YIF1B: variants seen among roughly 807,000 people sequenced by gnomAD.
The protein encoded by YIF1B is Yip1 interacting factor homolog B, membrane trafficking protein.
YIF1B carries 24 observed loss-of-function variants against 34.6 expected under a neutral mutation model. That is an observed-to-expected ratio of 0.69 (90% CI 0.50 to 0.98). The LOEUF (loss-of-function observed/expected upper bound fraction) is 0.98, where lower values mean the gene tolerates loss of function less well. Among genes scored for constraint, YIF1B ranks in the 50% least tolerant of loss-of-function variants. The pLI, the probability that YIF1B is intolerant of heterozygous loss-of-function variation, is 0.00. For missense variants in YIF1B, 368 were observed against 429.4 expected, an observed-to-expected ratio of 0.86 and a Z score of 1.26; for synonymous variants, 186 against 184.8, an observed-to-expected ratio of 1.01 and a Z score of -0.05.
chr19:38,308,539 A>G (rs911171425), intron 5 of YIF1B, among the ~76,000 whole-genome samples: 1 of 152,020 alleles, frequency 6.6e-6, no homozygotes, highest in Non-Finnish European at 1.5e-5. Flanking sequence ...CTGGTAGTAG[A>G]GGCCAAGAGG....
At chr19:38,316,141 A>T (rs1969543898), upstream of YIF1B, among the ~76,000 whole-genome samples, 1 of 151,460 alleles carries the variant, frequency 6.6e-6, no homozygotes, top group Non-Finnish European at 1.5e-5. Flanking sequence ...CAGTAAAGCG[A>T]GTCAAGGCCT....
intron 7 of YIF1B, 113 bp downstream of exon 7, chr19:38,307,315 A>G: frequency 8.3e-7 from 1 of 1,204,890 alleles, no homozygotes; most frequent in Non-Finnish European, 1.2e-6. Context: ...AGGGCTCCTC[A>G]GTTCAGCAAT....
intron 5 of YIF1B, 48 bp from the exon 6 acceptor site, chr19:38,307,800 A>C (rs1600384647): frequency 6.3e-7 from 1 of 1,598,358 alleles, no homozygotes; most frequent in Non-Finnish European, 8.5e-7. Context: ...CAGACCCCCC[A>C]CCCCCAGCAC....
upstream of YIF1B, among the ~76,000 whole-genome samples, chr19:38,317,591 G>GT (rs1335864646): frequency 6.7e-6 from 1 of 150,016 alleles, no homozygotes; most frequent in African/African-American, 2.5e-5. Context: ...TTTTTTGTTT[G>GT]TTTTTTGAGA....
intron 1 of YIF1B, among the ~76,000 whole-genome samples, chr19:38,313,172 G>A (rs756364650): frequency 1.8e-4 from 28 of 152,050 alleles, no homozygotes; most frequent in South Asian, 1.5e-3. Flanking sequence ...GGCTGGTCTC[G>A]AACTCCTGAG....
In YIF1B at chr19:38,305,256, C is replaced by A; in HGVS notation, c.*96G>T. The A allele has an allele frequency of 6.7e-7, 1 of 1,497,410 alleles. No individual in the cohort carries two copies. The highest frequency in any genetic ancestry group is 1.4e-5 in the African/African-American group (1 of 72,924). The allele number at this position is 1,497,410 out of a possible 1,614,324, so 92.8% of individuals were successfully genotyped here. ...GATGGAGGCGGTGCCTGTGGCCAGA[C>A]AGGGTGGACCTTGGGGCCTGCAGGC... On this transcript the variant is annotated 3_prime_UTR_variant, in exon 8 of 8. Transcript: ENST00000339413.
At chr19:38,316,695 ATATT>A (rs1969564577), upstream of YIF1B, among the ~76,000 whole-genome samples, 1 of 152,060 alleles carries the variant, frequency 6.6e-6, no homozygotes, top group African/African-American at 2.4e-5. Flanking sequence ...ATTAAAGTAA[ATATT>A]TATTTATTTT....
chr19:38,304,217 G>A lies in YIF1B; in HGVS notation c.*1135C>T. The A allele has an allele frequency of 1.2e-6, 2 of 1,612,058 alleles. No individual in the cohort carries two copies. The highest frequency in any genetic ancestry group is 8.5e-7 in the Non-Finnish European group (1 of 1,179,434). ...CCTCCCCCTGCTCCGCTCCTCTGCAGGGCCCAGGCGCCCTTGGCCTTAGGA... is the reference window on the plus strand; with the variant it reads ...CCTCCCCCTGCTCCGCTCCTCTGCAAGGCCCAGGCGCCCTTGGCCTTAGGA... On this transcript the variant is annotated 3_prime_UTR_variant, in exon 8 of 8. Transcript: ENST00000339413.
rs570703967 is a variant in YIF1B, at chr19:38,313,045, G to A, written c.58+2815C>T. Among the ~76,000 whole-genome samples the A allele has an allele frequency of 6.6e-5, 10 of 151,950 alleles. No individual in the cohort carries two copies. The South Asian group carries it at 1.5e-3, about 22-fold the overall frequency. On this transcript the variant is annotated intron_variant, in intron 1 of 7. Coordinates refer to ENST00000339413, the MANE Select transcript of YIF1B (RefSeq NM_001039672.3). ...CGGCTCACCACAACCTCCACCTCCC[G>A]GGTTCAAGCAGTTCTCCTGCCTCAG... is the stretch of plus-strand genomic sequence containing the variant.
At chr19:38,319,948 G>T, upstream of YIF1B, 1 of 1,439,344 alleles carries the variant, frequency 6.9e-7, no homozygotes. Context: ...CCCGGTGGGT[G>T]CCATGCGGAG....
chr19:38,307,731 C>A lies in YIF1B; in HGVS notation c.561G>T (p.Gly187=). 6 of 1,613,042 alleles carry A rather than the reference C, an allele frequency of 3.7e-6. No homozygotes were observed. The highest frequency in any genetic ancestry group is 5.1e-6 in the Non-Finnish European group (6 of 1,179,942). The change falls in exon 6 of 8, where the codon GGG becomes GGT. Residue 187 remains glycine, a synonymous_variant. Coordinates refer to ENST00000339413, the MANE Select transcript of YIF1B (RefSeq NM_001039672.3). ...TQDRFSPDLL[G]LQASSALAWL... ...AGGCCAGGGCTGAGCTCGCTTGCAG[C>A]CCCAGGAGGTCTGGGGAGAACCTGC...
intron 5 of YIF1B, among the ~76,000 whole-genome samples, chr19:38,308,173 C>G (rs1343751998): frequency 6.6e-6 from 1 of 152,154 alleles, no homozygotes; most frequent in African/African-American, 2.4e-5. Context: ...AGAGGAGGGG[C>G]CTGATCTAGC....
chr19:38,316,559 G>A (rs1969561231), upstream of YIF1B, among the ~76,000 whole-genome samples: 1 of 152,196 alleles, frequency 6.6e-6, no homozygotes, highest in South Asian at 2.1e-4. Flanking sequence ...CAGCCGTTCA[G>A]TTTGGGTCAT....
intron 1 of YIF1B, among the ~76,000 whole-genome samples, chr19:38,310,938 A>G (rs1969304232): frequency 6.6e-6 from 1 of 152,096 alleles, no homozygotes; most frequent in African/African-American, 2.4e-5. Context: ...GCACTAGCTG[A>G]CATGCTGGCT....
upstream of YIF1B, among the ~76,000 whole-genome samples, chr19:38,316,781 C>T (rs991634678): frequency 6.6e-6 from 1 of 152,158 alleles, no homozygotes; most frequent in Non-Finnish European, 1.5e-5. Flanking sequence ...CTGCCTCAGC[C>T]TCCCCAGTAA....
rs1305574234 is a variant in YIF1B at position 38,305,090 on chromosome 19, C to G, written c.*262G>C. On this transcript the variant is annotated 3_prime_UTR_variant, in exon 8 of 8. Transcript: ENST00000339413. ...AGCGCTGGGCCCGCCCATTCGTGCGCGAGGCCAAGGAGAGGCTGTCCACGC... is the reference window on the plus strand; with the variant it reads ...AGCGCTGGGCCCGCCCATTCGTGCGGGAGGCCAAGGAGAGGCTGTCCACGC... 6.7e-7 allele frequency: 1 copy of G among 1,493,036 alleles called. No individual in the cohort carries two copies. The highest frequency in any genetic ancestry group is 1.3e-5 in the South Asian group (1 of 75,792). The allele number at this position is 1,493,036 out of a possible 1,614,324, so 92.5% of individuals were successfully genotyped here. A position where few individuals can be genotyped will look rare whatever the true frequency, so the allele number is the denominator to read the frequency against.
At position 38,303,597 on chromosome 19, in the gene YIF1B, C is replaced by A. The variant is rs983069456; in HGVS notation, c.*1755G>T. Among the ~76,000 whole-genome samples the A allele has an allele frequency of 2.6e-5, 4 of 152,136 alleles. No homozygotes were observed. Among genetic ancestry groups the A allele is most frequent in the Non-Finnish European group, 5.9e-5 (4 of 68,032 alleles). ...CACCTACCTTTTATTTTTTAAAAAA[C>A]CAACACATTATCAGTACTTCATGCC... On this transcript the variant is annotated 3_prime_UTR_variant, in exon 8 of 8. Coordinates refer to ENST00000339413, the MANE Select transcript of YIF1B (RefSeq NM_001039672.3).
At chr19:38,312,570 A>G (rs1969367298) in intron 1 of YIF1B, among the ~76,000 whole-genome samples, 1 of 152,146 alleles carries the variant, frequency 6.6e-6, no homozygotes, top group African/African-American at 2.4e-5. Flanking sequence ...CTAATCAATA[A>G]CCAATGCTAC....
chr19:38,305,814 G>A (rs1194188549), intron 7 of YIF1B, among the ~76,000 whole-genome samples: 2 of 152,226 alleles, frequency 1.3e-5, no homozygotes, highest in African/African-American at 4.8e-5. Context: ...GCCTGAGGGG[G>A]TGGGAGACGT....
Sources: allele counts gnomAD v4.1 joint callset (sites outside exome capture counted in the v4.1 genomes callset), GRCh38; gene constraint gnomAD v4.1.1; transcripts MANE v1.5; gene names NCBI Gene and HGNC (gene_info 2026-07-23, HGNC 2026-07-21).